Variants in TLK1 observed in about 807,000 individuals in gnomAD.
The protein encoded by TLK1 is tousled like kinase 1, also known as serine/threonine-protein kinase tousled-like 1.
In TLK1, 24 loss-of-function variants were observed where a neutral mutation model predicts 105.3. The ratio of observed to expected loss-of-function variants is 0.23; its 90% CI spans 0.17 to 0.32. TLK1 has a LOEUF of 0.32. Among genes scored for constraint, TLK1 ranks in the 10% least tolerant of loss-of-function variants. The probability of loss-of-function intolerance (pLI) is 1.00; values close to 1 mark genes in which losing one functional copy is unlikely to be tolerated. For synonymous variants in TLK1, 321 were observed against 310.4 expected, an observed-to-expected ratio of 1.03 and a Z score of -0.36; for missense variants, 558 against 910.5, an observed-to-expected ratio of 0.61 and a Z score of 4.98.
At chr2:171,035,274 G>A (rs1360787438) in intron 11 of TLK1, among the ~76,000 whole-genome samples, 6 of 151,856 alleles carry the variant, frequency 4.0e-5, no homozygotes, top group East Asian at 1.9e-4. Context: ...CCCAGGAGGC[G>A]GAGGTTGCGG....
At chr2:171,045,905 TAACTGATTCAGACACAGAAGGGTGA>T (rs990235374) in intron 11 of TLK1, 2 of 335,520 alleles carry the variant, frequency 6.0e-6, no homozygotes, top group African/African-American at 4.2e-5. Context: ...AATTGATTCC[TAACTGATTCAGACACAGAAGGGTGA>T]ATTCTGGTAA....
intron 11 of TLK1, among the ~76,000 whole-genome samples, chr2:171,034,256 TAAAG>T (rs995389454): frequency 1.3e-5 from 2 of 152,072 alleles, no homozygotes; most frequent in East Asian, 1.9e-4. Flanking sequence ...ACTAGACAGA[TAAAG>T]AAAACAAAAC....
In TLK1 at chr2:171,006,483, G is replaced by T; in HGVS notation, c.1759C>A (p.Leu587Ile). Residue 587 changes from leucine (L) to isoleucine (I), a missense_variant, in exon 17 of 21, where the codon CTT becomes ATT. This residue lies in a region of TLK1 where 218 missense variants were observed against 492.9 expected (regional missense o/e 0.44). Coordinates refer to ENST00000431350, the MANE Select transcript of TLK1 (RefSeq NM_012290.5). The part of the protein sequence containing the change: ...EIKPPIIHYD[L>I]KPGNILLVDG... ...CAAATTTCATAATTACCTGGCTTAA[G>T]ATCATAATGTATAATAGGGGGTTTG... is the stretch of plus-strand genomic sequence containing the variant. 6.3e-7 allele frequency: 1 copy of T among 1,592,134 alleles called. No homozygotes were observed. The highest frequency in any genetic ancestry group is 8.5e-7 in the Non-Finnish European group (1 of 1,170,934).
At chr2:171,052,007 T>C (rs1279480960) in intron 8 of TLK1, among the ~76,000 whole-genome samples, 3 of 152,158 alleles carry the variant, frequency 2.0e-5, no homozygotes, top group Non-Finnish European at 2.9e-5. Flanking sequence ...TGGTGGCTCA[T>C]GCCTATAGCC....
At chr2:171,223,266 C>T (rs754395850) in intron 1 of TLK1, among the ~76,000 whole-genome samples, 6 of 152,212 alleles carry the variant, frequency 3.9e-5, no homozygotes, top group Non-Finnish European at 7.3e-5. Context: ...TTCCCACCAA[C>T]AGTGTACAAG....
At chr2:171,012,667 C>T (rs774307126) in intron 13 of TLK1, among the ~76,000 whole-genome samples, 2 of 152,040 alleles carry the variant, frequency 1.3e-5, no homozygotes, top group African/African-American at 2.4e-5. Flanking sequence ...TTAATAAAGA[C>T]GGGGTTTCAC....
intron 5 of TLK1, 83 bp downstream of exon 5, chr2:171,058,068 C>T: frequency 1.4e-6 from 2 of 1,407,280 alleles, no homozygotes; most frequent in African/African-American, 1.4e-5. Flanking sequence ...CAAAAGCTGA[C>T]CTTGTGCTTC....
chr2:171,227,335 T>C (rs947870523), intron 1 of TLK1, among the ~76,000 whole-genome samples: 1 of 152,208 alleles, frequency 6.6e-6, no homozygotes, highest in South Asian at 2.1e-4. Flanking sequence ...TTGCTGAAAC[T>C]ATTAAGAAAG....
chr2:171,140,379 T>TA (rs1342299790), intron 1 of TLK1, among the ~76,000 whole-genome samples: 1 of 152,182 alleles, frequency 6.6e-6, no homozygotes, highest in Non-Finnish European at 1.5e-5. Flanking sequence ...GGGCCAGAAT[T>TA]CACTAAGTTC....
At chr2:171,046,475 T>C in intron 10 of TLK1, 113 bp from the exon 11 acceptor site, 1 of 1,230,766 alleles carries the variant, frequency 8.1e-7, no homozygotes, top group East Asian at 2.6e-5. Context: ...ATTCGTAACC[T>C]TTTGGTTCCA....
chr2:171,184,389 T>C (rs1692984189), intron 1 of TLK1, among the ~76,000 whole-genome samples: 1 of 152,198 alleles, frequency 6.6e-6, no homozygotes, highest in Admixed American at 6.5e-5. Context: ...ACGCCTGTGA[T>C]CCCAGCATTT....
chr2:171,022,272 C>T (rs920426262), intron 12 of TLK1, among the ~76,000 whole-genome samples: 3 of 152,064 alleles, frequency 2.0e-5, no homozygotes, highest in Non-Finnish European at 4.4e-5. Flanking sequence ...GAGATAAGAA[C>T]GTAAACACTG....
At chr2:171,210,279 T>A (rs545782718) in intron 1 of TLK1, among the ~76,000 whole-genome samples, 1 of 146,594 alleles carries the variant, frequency 6.8e-6, no homozygotes, top group East Asian at 1.9e-4. Flanking sequence ...TTTTTTATTA[T>A]TTTTTTTTTT....
chr2:171,162,091 G>T (rs1692517169), upstream of TLK1, among the ~76,000 whole-genome samples: 1 of 152,182 alleles, frequency 6.6e-6, no homozygotes, highest in Admixed American at 6.5e-5. Flanking sequence ...AAAGAACCTT[G>T]ATTGTCAGTT....
chr2:171,036,986 TTAAG>T (rs1369219348), intron 11 of TLK1, among the ~76,000 whole-genome samples: 1 of 152,126 alleles, frequency 6.6e-6, no homozygotes, highest in African/African-American at 2.4e-5. Flanking sequence ...TCAGCTGATT[TTAAG>T]ATAATTACTT....
intron 3 of TLK1, among the ~76,000 whole-genome samples, chr2:171,076,224 C>CG (rs1688497791): frequency 6.9e-6 from 1 of 144,084 alleles, no homozygotes; most frequent in East Asian, 2.1e-4. Context: ...TCTCGGAGGG[C>CG]GGGGGGAGAA....
At chr2:170,998,097 C>T (rs112568536) in intron 18 of TLK1, among the ~76,000 whole-genome samples, 41 of 149,392 alleles carry the variant, frequency 2.7e-4, no homozygotes, top group Admixed American at 2.6e-3. Context: ...TATCTACCTA[C>T]CTACCTACCT....
At chr2:171,156,036 A>G (rs1394665365) in intron 1 of TLK1, among the ~76,000 whole-genome samples, 2 of 152,244 alleles carry the variant, frequency 1.3e-5, no homozygotes, top group African/African-American at 4.8e-5. Context: ...TGTAGGTCCT[A>G]GAGACATTTT....
At chr2:171,041,827 C>T (rs1444225160) in intron 11 of TLK1, among the ~76,000 whole-genome samples, 1 of 151,790 alleles carries the variant, frequency 6.6e-6, no homozygotes. Flanking sequence ...ATAACTTGTC[C>T]CCTAATTATA....
Sources: gnomAD v4.1 joint callset for allele counts (sites outside exome capture counted in the v4.1 genomes callset) on GRCh38, gnomAD v4.1.1 for gene constraint, gnomAD v4.1.1 regional missense constraint, MANE v1.5 for transcripts, NCBI Gene and HGNC (gene_info 2026-07-23, HGNC 2026-07-21) for gene names.